Variants in TDRD1 observed in about 807,000 individuals in gnomAD.
The protein encoded by TDRD1 is tudor domain-containing protein 1.
TDRD1 carries 37 observed loss-of-function variants against 140.6 expected under a neutral mutation model. The observed-to-expected ratio is 0.26, with a 90% CI of 0.20 to 0.35. The LOEUF (loss-of-function observed/expected upper bound fraction) is 0.35, where lower values mean the gene tolerates loss of function less well. Ranked by LOEUF, TDRD1 falls within the 10% of genes least tolerant of loss-of-function variation. The probability of loss-of-function intolerance (pLI) is 1.00; values close to 1 mark genes in which losing one functional copy is unlikely to be tolerated. For synonymous variants in TDRD1, 506 were observed against 475.7 expected, an observed-to-expected ratio of 1.06 and a Z score of -0.83; for missense variants, 1,243 against 1,393.0, an observed-to-expected ratio of 0.89 and a Z score of 1.71.
intron 3 of TDRD1, among the ~76,000 whole-genome samples, chr10:114,197,964 G>A (rs1008153988): frequency 2.0e-5 from 3 of 152,038 alleles, no homozygotes; most frequent in African/African-American, 7.2e-5. Context: ...TCTCTGTATC[G>A]TATTTAAACT....
At chr10:114,203,276 C>A (rs2034883263) in intron 7 of TDRD1, 100 bp downstream of exon 7, 1 of 1,487,588 alleles carries the variant, frequency 6.7e-7, no homozygotes, top group South Asian at 1.2e-5. Flanking sequence ...AAAACATAAA[C>A]ATTGCAAAAA....
intron 1 of TDRD1, among the ~76,000 whole-genome samples, chr10:114,182,152 T>C (rs923122607): frequency 6.6e-6 from 1 of 152,220 alleles, no homozygotes. Flanking sequence ...TGGAATCTTG[T>C]ATTCCATTAT....
chr10:114,212,080 G>A (rs1249907551), intron 14 of TDRD1, 44 bp downstream of exon 14: 1 of 1,513,480 alleles, frequency 6.6e-7, no homozygotes, highest in Non-Finnish European at 8.8e-7. Flanking sequence ...AAATTCTACA[G>A]ATGAAGAAAC....
At chr10:114,198,853 A>G (rs1015955930) in intron 3 of TDRD1, among the ~76,000 whole-genome samples, 1 of 152,058 alleles carries the variant, frequency 6.6e-6, no homozygotes, top group African/African-American at 2.4e-5. Flanking sequence ...AGCTTTTATC[A>G]TCTCTGCCTT....
At chr10:114,204,311 T>C in intron 9 of TDRD1, 95 bp downstream of exon 9, 1 of 1,321,604 alleles carries the variant, frequency 7.6e-7, no homozygotes, top group Non-Finnish European at 1.0e-6. Flanking sequence ...TCTATTCTGC[T>C]GTGTTACTGT....
At chr10:114,202,106 C>T in intron 5 of TDRD1, 132 bp from the exon 6 acceptor site, 1 of 657,598 alleles carries the variant, frequency 1.5e-6, no homozygotes. Flanking sequence ...TTTACATTAC[C>T]ACTGTGATTC....
In TDRD1 at chr10:114,202,369, T is replaced by C. The variant is rs2034809189; in HGVS notation, c.696+71T>C. 1.4e-5 allele frequency: 15 copies of C among 1,100,460 alleles called. No homozygotes were observed. In the South Asian group the frequency reaches 2.7e-4, roughly 20 times the overall value. 68.2% of individuals were successfully genotyped at this position (1,100,460 alleles called of 1,614,324 possible). A position where few individuals can be genotyped will look rare whatever the true frequency, so the allele number is the denominator to read the frequency against. On this transcript the variant is annotated intron_variant, in intron 6 of 25. Transcript: ENST00000251864. ...GAATTAAGATGTAAGATAAATATTTTAGGCTTATTTCTGTATTTTATCAAT... is the reference window on the plus strand; with the variant it reads ...GAATTAAGATGTAAGATAAATATTTCAGGCTTATTTCTGTATTTTATCAAT...
intron 18 of TDRD1, among the ~76,000 whole-genome samples, chr10:114,220,052 C>A (rs1295055324): frequency 6.6e-6 from 1 of 152,208 alleles, no homozygotes; most frequent in Non-Finnish European, 1.5e-5. Context: ...TAGGGCCCCA[C>A]AGTCTGTGTT....
At chr10:114,175,904 A>C (rs1201682889), upstream of TDRD1, among the ~76,000 whole-genome samples, 1 of 152,196 alleles carries the variant, frequency 6.6e-6, no homozygotes, top group Non-Finnish European at 1.5e-5. Context: ...GAGAACTGAT[A>C]AAGAATCAAG....
intron 19 of TDRD1, 86 bp from the exon 20 acceptor site, chr10:114,221,271 A>C (rs1036592456): frequency 8.0e-7 from 1 of 1,253,258 alleles, no homozygotes; most frequent in African/African-American, 1.5e-5. Context: ...TTTCATGAAC[A>C]AATGATTGAA....
rs554554801 is a variant in TDRD1 at position 114,231,069 on chromosome 10, AAAAAT to A, written c.3539-407_3539-403del. Among the ~76,000 whole-genome samples the A allele has an allele frequency of 7.0e-4, 107 of 152,360 alleles. 4 individuals carry two copies. The South Asian group carries it at 0.014, about 20-fold the overall frequency. On this transcript the variant is annotated intron_variant, in intron 25 of 25. Coordinates refer to ENST00000251864, the Ensembl canonical transcript of TDRD1. ...GCAACAGAGTGAGACCCTGTCTCAAAAAAATAAAATAAAAGACAAACACATGTATT... is the reference window on the plus strand; with the variant it reads ...GCAACAGAGTGAGACCCTGTCTCAAAAAAATAAAAGACAAACACATGTATT...
At chr10:114,185,523 G>A (rs186207069) in intron 1 of TDRD1, among the ~76,000 whole-genome samples, 1 of 151,848 alleles carries the variant, frequency 6.6e-6, no homozygotes, top group East Asian at 2.0e-4. Context: ...ATATCTTCAC[G>A]TGTCTCAATA....
At position 114,211,857 on chromosome 10, in the gene TDRD1, C is replaced by A; in HGVS notation, c.1661-9C>A. The A allele has an allele frequency of 6.6e-7, 1 of 1,512,164 alleles. No individual in the cohort carries two copies. The highest frequency in any genetic ancestry group is 8.8e-7 in the Non-Finnish European group (1 of 1,138,160). 93.7% of individuals were successfully genotyped at this position (1,512,164 alleles called of 1,614,324 possible). On this transcript the variant is annotated splice_polypyrimidine_tract_variant and intron_variant, in intron 13 of 25. Coordinates refer to ENST00000251864, the Ensembl canonical transcript of TDRD1. ...AAATCATTTGAGATTGAGTCTCTCC[C>A]TTTTTCAGAGGATGATCAGTGGTAC...
intron 4 of TDRD1, among the ~76,000 whole-genome samples, chr10:114,200,711 C>T (rs937982433): frequency 6.6e-5 from 10 of 151,912 alleles, no homozygotes; most frequent in Admixed American, 2.0e-4. Context: ...TTTGTAGAGA[C>T]GGGGTTTCAC....
chr10:114,202,943 A>G (rs2034858166), intron 6 of TDRD1, 129 bp from the exon 7 acceptor site: 1 of 680,036 alleles, frequency 1.5e-6, no homozygotes. Context: ...GGCCTTCCCT[A>G]TTTCTGTGTT....
At chr10:114,177,542 A>C (rs1370288395), upstream of TDRD1, among the ~76,000 whole-genome samples, 1 of 152,236 alleles carries the variant, frequency 6.6e-6, no homozygotes, top group Non-Finnish European at 1.5e-5. Context: ...ACTTGACATC[A>C]AGGTCATCAA....
At chr10:114,228,729 C>T (rs1017002804) in intron 25 of TDRD1, 7 of 985,242 alleles carry the variant, frequency 7.1e-6, no homozygotes, top group Non-Finnish European at 8.4e-6. Context: ...TTTTAAATGT[C>T]TGGGATCCTT....
intron 1 of TDRD1, chr10:114,179,636 A>T (rs1016959006): frequency 3.3e-5 from 5 of 152,086 alleles, no homozygotes; most frequent in African/African-American, 7.2e-5. Flanking sequence ...TCCAGGCATC[A>T]CTCCTTCAAA....
At chr10:114,209,365 T>G (rs1287092665) in intron 11 of TDRD1, among the ~76,000 whole-genome samples, 1 of 152,184 alleles carries the variant, frequency 6.6e-6, no homozygotes, top group Non-Finnish European at 1.5e-5. Flanking sequence ...AGCCTGGAGA[T>G]AGAGAACCAG....
Sources: allele counts gnomAD v4.1 joint callset (sites outside exome capture counted in the v4.1 genomes callset), GRCh38; gene constraint gnomAD v4.1.1; transcripts MANE v1.5; gene names NCBI Gene and HGNC (gene_info 2026-07-23, HGNC 2026-07-21).